MEGF11: variants seen among roughly 807,000 people sequenced by gnomAD.
The protein encoded by MEGF11 is multiple epidermal growth factor-like domains protein 11.
A neutral mutation model predicts 146.6 loss-of-function variants in MEGF11; 126 were observed. The observed-to-expected ratio is 0.86, with a 90% CI of 0.74 to 1.00. The LOEUF (loss-of-function observed/expected upper bound fraction) is 1.00, where lower values mean the gene tolerates loss of function less well. Among genes scored for constraint, MEGF11 ranks in the 50% least tolerant of loss-of-function variants. MEGF11 has a pLI of 0.00. For synonymous variants in MEGF11, 532 were observed against 583.4 expected (o/e 0.91, Z 1.27); for missense variants, 1,509 against 1,521.2 (o/e 0.99, Z 0.13).
intron 4 of MEGF11, among the ~76,000 whole-genome samples, chr15:66,112,052 G>T (rs1290259137): frequency 1.3e-5 from 2 of 150,596 alleles, no homozygotes; most frequent in Non-Finnish European, 3.0e-5. Flanking sequence ...GGGGCATAAG[G>T]GAGGGAAGAA....
intron 24 of MEGF11, chr15:65,905,782 G>A (rs1297528716): frequency 1.5e-5 from 4 of 275,528 alleles, no homozygotes; most frequent in African/African-American, 4.4e-5. Context: ...AATTTAACTC[G>A]TACTAATTGG....
At chr15:65,990,109 G>A (rs1332791678) in intron 5 of MEGF11, among the ~76,000 whole-genome samples, 1 of 152,174 alleles carries the variant, frequency 6.6e-6, no homozygotes, top group African/African-American at 2.4e-5. Flanking sequence ...TACTTGGGAG[G>A]CTGAGGTAAG....
intron 1 of MEGF11, among the ~76,000 whole-genome samples, chr15:66,234,388 G>A (rs1456486905): frequency 6.6e-6 from 1 of 152,232 alleles, no homozygotes; most frequent in African/African-American, 2.4e-5. Flanking sequence ...TATAGCCAAA[G>A]AGAATGTCAA....
At chr15:65,910,681 C>T (rs950667428) in intron 21 of MEGF11, among the ~76,000 whole-genome samples, 2 of 152,134 alleles carry the variant, frequency 1.3e-5, no homozygotes, top group South Asian at 4.2e-4. Context: ...AGTGGTTGCC[C>T]TTGAGGCTGT....
At chr15:66,132,604 TC>T (rs1415195054) in intron 1 of MEGF11, among the ~76,000 whole-genome samples, 2 of 152,190 alleles carry the variant, frequency 1.3e-5, no homozygotes, top group Non-Finnish European at 2.9e-5. Flanking sequence ...ACAATGGGGA[TC>T]TATTATAGTG....
intron 12 of MEGF11, 97 bp from the exon 13 acceptor site, chr15:65,928,624 G>T: frequency 2.6e-6 from 2 of 764,040 alleles, no homozygotes; most frequent in Non-Finnish European, 4.1e-6. Context: ...CTTTTGGAGG[G>T]TCCAGTGAGA....
intron 1 of MEGF11, among the ~76,000 whole-genome samples, chr15:66,168,488 A>T (rs1308901402): frequency 6.6e-6 from 1 of 152,178 alleles, no homozygotes; most frequent in Non-Finnish European, 1.5e-5. Flanking sequence ...GTTACTGAGC[A>T]CTTGATGTAA....
intron 10 of MEGF11, among the ~76,000 whole-genome samples, chr15:65,943,368 T>C (rs1209515685): frequency 6.6e-6 from 1 of 152,086 alleles, no homozygotes; most frequent in Non-Finnish European, 1.5e-5. Flanking sequence ...TTCTGAGCAT[T>C]TAGAGGAGTA....
intron 5 of MEGF11, among the ~76,000 whole-genome samples, chr15:66,028,868 C>T (rs956589151): frequency 1.3e-5 from 2 of 152,170 alleles, no homozygotes; most frequent in East Asian, 3.8e-4. Flanking sequence ...AAATTAATTA[C>T]TGTGTTAAGG....
rs2078361435 is a variant in MEGF11, at chr15:65,896,501, G to A, written c.*1433C>T. On this transcript the variant is annotated 3_prime_UTR_variant, in exon 26 of 26. Coordinates refer to ENST00000395614, the MANE Select transcript of MEGF11 (RefSeq NM_001385028.1). ...AGTTCCTCTTCTGTGTATCTTTTTG[G>A]AAGTGTTTTTTACTGGCTGGACTGT... The A allele has an allele frequency of 6.6e-6, 1 of 152,602 alleles. No homozygotes were observed. The highest frequency in any genetic ancestry group is 6.5e-5 in the Admixed American group (1 of 15,278). 9.5% of individuals were successfully genotyped at this position (152,602 alleles called of 1,614,324 possible). A position where few individuals can be genotyped will look rare whatever the true frequency, so the allele number is the denominator to read the frequency against.
At chr15:66,084,223 G>A (rs1170080764) in intron 5 of MEGF11, among the ~76,000 whole-genome samples, 2 of 152,104 alleles carry the variant, frequency 1.3e-5, no homozygotes, top group Non-Finnish European at 2.9e-5. Context: ...TCTAATAAGT[G>A]GTTAATATCC....
chr15:65,917,413 AG>A (rs1203349629), intron 16 of MEGF11, among the ~76,000 whole-genome samples: 1 of 152,184 alleles, frequency 6.6e-6, no homozygotes, highest in African/African-American at 2.4e-5. Flanking sequence ...CCATCTAACT[AG>A]GACCTCCCCA....
intron 20 of MEGF11, chr15:65,912,459 C>G (rs1596824677): frequency 3.4e-6 from 1 of 294,966 alleles, no homozygotes; most frequent in Non-Finnish European, 6.2e-6. Context: ...GAGGCACTAT[C>G]AACTGGAGCC....
In MEGF11 at chr15:65,980,873, T is replaced by G. The variant is rs756843548; in HGVS notation, c.667A>C (p.Ser223Arg). The G allele has an allele frequency of 5.0e-6, 8 of 1,592,160 alleles. No individual in the cohort carries two copies. The highest frequency in any genetic ancestry group is 6.8e-6 in the Non-Finnish European group (8 of 1,170,072). The change falls in exon 7 of 26, where the codon AGC becomes CGC. Residue 223 changes from serine (S) to arginine (R), a missense_variant. Coordinates refer to ENST00000395614, the MANE Select transcript of MEGF11 (RefSeq NM_001385028.1). ...CGCAGCTCACAGTGAGCTCCATGGC[T>G]CCCAGGAGGGCACAGCTCCTCGCAG... is the stretch of plus-strand genomic sequence containing the variant. Reference protein sequence around the residue: ...VYCEELCPPGSHGAHCELRCP... With the variant: ...VYCEELCPPGRHGAHCELRCP...
intron 1 of MEGF11, among the ~76,000 whole-genome samples, chr15:66,205,085 C>A (rs1319641838): frequency 6.6e-6 from 1 of 151,200 alleles, no homozygotes; most frequent in South Asian, 2.1e-4. Context: ...CCAACAAAAT[C>A]CTGCTCTCTC....
At chr15:66,166,194 C>G (rs1246786027) in intron 1 of MEGF11, among the ~76,000 whole-genome samples, 1 of 152,094 alleles carries the variant, frequency 6.6e-6, no homozygotes, top group African/African-American at 2.4e-5. Context: ...ACTCTGTGCC[C>G]CCTTGCTCTC....
chr15:65,915,886 A>T (rs949027015), intron 18 of MEGF11, among the ~76,000 whole-genome samples: 2 of 152,110 alleles, frequency 1.3e-5, no homozygotes, highest in Non-Finnish European at 2.9e-5. Flanking sequence ...AGAATAATAA[A>T]AAAAAAATCC....
rs913198376 is a variant in MEGF11 at position 66,106,802 on chromosome 15, C to T, written c.301+12284G>A. On this transcript the variant is annotated intron_variant, in intron 4 of 25. Transcript: ENST00000395614. ...TATGCCCCTTCCTCAGAGGTCCAGA[C>T]ATATCACATCTGCAGCGTCAAATGA... Among the ~76,000 whole-genome samples the T allele has an allele frequency of 5.3e-5, 8 of 152,322 alleles. No homozygotes were observed. In the South Asian group the frequency reaches 1.0e-3, roughly 20 times the overall value.
At position 65,913,756 on chromosome 15, in the gene MEGF11, G is replaced by A; in HGVS notation, c.2691C>T (p.Ser897=). The A allele has an allele frequency of 6.2e-7, 1 of 1,613,064 alleles. No individual in the cohort carries two copies. The highest frequency in any genetic ancestry group is 8.5e-7 in the Non-Finnish European group (1 of 1,179,470). Residue 897 remains serine (S), a synonymous_variant, in exon 20 of 26, where the codon AGC becomes AGT. Coordinates refer to ENST00000395614, the MANE Select transcript of MEGF11 (RefSeq NM_001385028.1). The part of the protein sequence containing the change: ...VSYTPAMRMT[S]TDYSLSDLSQ... ...CCTTACCTGAGAGGGAGTAGTCGGT[G>A]CTGGTCATCCTCATGGCAGGTGTGT...
Sources: gnomAD v4.1 joint callset for allele counts (sites outside exome capture counted in the v4.1 genomes callset) on GRCh38, gnomAD v4.1.1 for gene constraint, MANE v1.5 for transcripts, NCBI Gene and HGNC (gene_info 2026-07-23, HGNC 2026-07-21) for gene names.